The following PRKDC variants were observed in gnomAD, a reference collection of about 807,000 sequenced individuals.
PRKDC encodes protein kinase, DNA-activated, catalytic subunit.
A neutral mutation model predicts 486.9 loss-of-function variants in PRKDC; 82 were observed. The observed-to-expected ratio is 0.17, with a 90% CI of 0.14 to 0.20. The LOEUF (loss-of-function observed/expected upper bound fraction) is 0.20. Ranked by LOEUF, PRKDC falls within the 10% of genes least tolerant of loss-of-function variation. PRKDC has a pLI of 1.00. For missense variants in PRKDC, 4,504 were observed against 5,038.2 expected (o/e 0.89, Z 3.21); for synonymous variants, 1,895 against 1,837.0 (o/e 1.03, Z -0.81).
chr8:47,869,683 C>T (rs1015729912), intron 40 of PRKDC, among the ~76,000 whole-genome samples: 1 of 151,934 alleles, frequency 6.6e-6, no homozygotes, highest in African/African-American at 2.4e-5. Context: ...TCATGCCTTG[C>T]AACATGGGCA....
intron 31 of PRKDC, among the ~76,000 whole-genome samples, chr8:47,891,274 T>C (rs1422544387): frequency 6.6e-6 from 1 of 152,134 alleles, no homozygotes; most frequent in African/African-American, 2.4e-5. Context: ...AACAATTGAG[T>C]AGGAAAGCCT....
intron 30 of PRKDC, 150 bp from the exon 31 acceptor site, chr8:47,893,537 T>A: frequency 1.2e-6 from 1 of 808,078 alleles, no homozygotes. Flanking sequence ...TCCAAGAAGG[T>A]ATTTCCACCA....
At chr8:47,813,567 C>T (rs575349938) in intron 68 of PRKDC, among the ~76,000 whole-genome samples, 2 of 151,884 alleles carry the variant, frequency 1.3e-5, no homozygotes, top group East Asian at 3.9e-4. Context: ...TAATGAGGAT[C>T]TTATATAATT....
chr8:47,903,531 G>A (rs1477280162), intron 26 of PRKDC, among the ~76,000 whole-genome samples: 1 of 152,222 alleles, frequency 6.6e-6, no homozygotes, highest in African/African-American at 2.4e-5. Context: ...ATGGTAATGG[G>A]AGGAGAGGGT....
intron 58 of PRKDC, 74 bp from the exon 59 acceptor site, chr8:47,834,470 G>C: frequency 2.0e-6 from 3 of 1,476,356 alleles, no homozygotes; most frequent in South Asian, 2.4e-5. Context: ...CCACCTGCCA[G>C]GACACACCTG....
At chr8:47,833,914 C>G (rs904505522) in intron 59 of PRKDC, among the ~76,000 whole-genome samples, 3 of 152,192 alleles carry the variant, frequency 2.0e-5, no homozygotes, top group Admixed American at 6.5e-5. Flanking sequence ...CTAATTCCAC[C>G]TCTTGTTACA....
chr8:47,860,621 A>G (rs1367647544), intron 45 of PRKDC, among the ~76,000 whole-genome samples: 1 of 152,224 alleles, frequency 6.6e-6, no homozygotes, highest in Non-Finnish European at 1.5e-5. Flanking sequence ...ACACCAAGCT[A>G]ATTTTGTATT....
intron 45 of PRKDC, 126 bp from the exon 46 acceptor site, chr8:47,859,885 AT>A (rs2088635540): frequency 1.0e-6 from 1 of 968,178 alleles, no homozygotes; most frequent in African/African-American, 1.7e-5. Context: ...CAAGCCAGTG[AT>A]TATTAACCTA....
chr8:47,807,330 C>T lies in PRKDC; in HGVS notation c.9558-4G>A. The T allele has an allele frequency of 6.5e-7, 1 of 1,533,044 alleles. No homozygotes were observed. Among genetic ancestry groups the T allele is most frequent in the Non-Finnish European group, 8.8e-7 (1 of 1,138,610 alleles). The allele number at this position is 1,533,044 out of a possible 1,614,324, so 95.0% of individuals were successfully genotyped here. Reference sequence around the variant, plus strand: ...TATTTTGCTGAGAAAGAAACATCTACACAAAGAAAAATGAGACAATGTCAC... The same window carrying T: ...TATTTTGCTGAGAAAGAAACATCTATACAAAGAAAAATGAGACAATGTCAC... On this transcript the variant is annotated splice_polypyrimidine_tract_variant and splice_region_variant and intron_variant, in intron 68 of 85. Coordinates refer to ENST00000314191, the MANE Select transcript of PRKDC (RefSeq NM_006904.7).
At chr8:47,806,250 T>A (rs2087213812) in intron 69 of PRKDC, among the ~76,000 whole-genome samples, 1 of 152,174 alleles carries the variant, frequency 6.6e-6, no homozygotes, top group South Asian at 2.1e-4. Context: ...GCAGGGAACA[T>A]GTCTTTCCCC....
rs984530183 is a variant in PRKDC at position 47,943,099 on chromosome 8, C to A, written c.966+110G>T. On this transcript the variant is annotated intron_variant, in intron 10 of 85. Transcript: ENST00000314191. Reference sequence around the variant, plus strand: ...CAACATCTTTCTGCTTTAAATACTACAGAAGCTACAGATCAACTTGTATTT... The same window carrying A: ...CAACATCTTTCTGCTTTAAATACTAAAGAAGCTACAGATCAACTTGTATTT... 7 of 1,300,846 alleles carry A rather than the reference C, an allele frequency of 5.4e-6. No homozygotes were observed. The Admixed American group carries it at 1.2e-4, about 23-fold the overall frequency. The allele number at this position is 1,300,846 out of a possible 1,614,324, so 80.6% of individuals were successfully genotyped here.
intron 25 of PRKDC, among the ~76,000 whole-genome samples, chr8:47,906,164 G>A (rs1589782143): frequency 6.6e-6 from 1 of 152,230 alleles, no homozygotes; most frequent in African/African-American, 2.4e-5. Context: ...GGGCAACATA[G>A]GAAGACCTTG....
chr8:47,890,159 G>A (rs2089430180), intron 32 of PRKDC, 98 bp downstream of exon 32: 7 of 491,572 alleles, frequency 1.4e-5, no homozygotes, highest in Non-Finnish European at 2.2e-5. Context: ...TAATAATAAT[G>A]ATAAATTTTT....
intron 40 of PRKDC, among the ~76,000 whole-genome samples, chr8:47,874,104 C>T (rs541267534): frequency 5.9e-5 from 9 of 151,272 alleles, no homozygotes; most frequent in Admixed American, 2.0e-4. Flanking sequence ...CCACCACGCC[C>T]GGCTAATTTT....
intron 39 of PRKDC, among the ~76,000 whole-genome samples, chr8:47,878,816 G>A (rs1208923308): frequency 1.3e-5 from 2 of 152,090 alleles, no homozygotes; most frequent in East Asian, 1.9e-4. Context: ...CAGCCTAGAC[G>A]ACAGAGCAAG....
intron 70 of PRKDC, among the ~76,000 whole-genome samples, chr8:47,801,638 T>A (rs935434344): frequency 6.6e-6 from 1 of 152,244 alleles, no homozygotes; most frequent in African/African-American, 2.4e-5. Flanking sequence ...TGTTTGTACA[T>A]ATATTAATAA....
At position 47,798,253 on chromosome 8, in the gene PRKDC, C is replaced by T. The variant is rs567334706; in HGVS notation, c.10442G>A (p.Ser3481Asn). 1.7e-5 allele frequency: 27 copies of T among 1,613,128 alleles called. No individual in the cohort carries two copies. The South Asian group carries it at 2.9e-4, about 17-fold the overall frequency. The change falls in exon 73 of 86, where the codon AGC (serine) becomes AAC (asparagine). Residue 3481 changes from serine to asparagine, a missense_variant. Physicochemically the swap from Ser to Asn is conservative, Grantham distance 46. Transcript: ENST00000314191. ...IIERYPEETL[S>N]LMTKEISSVP... ...GACACCAACCTCTTTTGTCATGAGG[C>T]TCAAAGTCTCCTCTGGATACCGTTC...
chr8:47,807,414 T>C, intron 68 of PRKDC, 88 bp from the exon 69 acceptor site: 1 of 1,178,632 alleles, frequency 8.5e-7, no homozygotes, highest in Non-Finnish European at 1.2e-6. Context: ...TAAACCTTAG[T>C]AAATGTTTGT....
intron 74 of PRKDC, among the ~76,000 whole-genome samples, chr8:47,790,369 C>T (rs935525106): frequency 3.3e-5 from 5 of 152,122 alleles, no homozygotes; most frequent in South Asian, 2.1e-4. Context: ...AAGATCTCTA[C>T]AATGAAAACT....
Sources: gnomAD v4.1 joint callset for allele counts (sites outside exome capture counted in the v4.1 genomes callset) on GRCh38, gnomAD v4.1.1 for gene constraint, MANE v1.5 for transcripts, NCBI Gene and HGNC (gene_info 2026-07-23, HGNC 2026-07-21) for gene names.